XPNPEP1: variants seen among roughly 807,000 people sequenced by gnomAD.
XPNPEP1 encodes the protein X-prolyl aminopeptidase 1, also known as xaa-Pro aminopeptidase 1.
Under a neutral mutation model 92.4 loss-of-function variants are expected in XPNPEP1, and 39 were observed. The ratio of observed to expected loss-of-function variants is 0.42; its 90% CI spans 0.33 to 0.55. The LOEUF is 0.55. Among genes scored for constraint, XPNPEP1 ranks in the 20% least tolerant of loss-of-function variants. The pLI is 0.08. For missense variants in XPNPEP1, 654 were observed against 856.1 expected (o/e 0.76, Z 2.95); for synonymous variants, 307 against 299.4 (o/e 1.03, Z -0.26).
intron 9 of XPNPEP1, 105 bp downstream of exon 9, chr10:109,883,962 A>G: frequency 1.1e-6 from 1 of 952,198 alleles, no homozygotes; most frequent in Non-Finnish European, 1.6e-6. Flanking sequence ...AAAGAAGCAC[A>G]TCAGTGAAAT....
rs548634163 is a variant in XPNPEP1, at chr10:109,901,266, G to T, written c.246+6425C>A. On this transcript the variant is annotated intron_variant, in intron 3 of 20. Transcript: ENST00000502935. The stretch of plus-strand genomic sequence containing the variant: ...CACACACTGGGGCCTGTCATGGGGT[G>T]GGGGGAGGGGGGAGGGATAGCATTA... Among the ~76,000 whole-genome samples, 702 of 113,214 alleles carry T rather than the reference G, an allele frequency of 6.2e-3. 5 individuals are homozygous for T. The highest frequency in any genetic ancestry group is 0.023 in the African/African-American group (668 of 29,672). The allele number at this position is 113,214 out of a possible 152,430, so 74.3% of individuals were successfully genotyped here. A position where few individuals can be genotyped will look rare whatever the true frequency, so the allele number is the denominator to read the frequency against.
At chr10:109,884,199 G>A in intron 8 of XPNPEP1, 51 bp from the exon 9 acceptor site, 1 of 1,582,768 alleles carries the variant, frequency 6.3e-7, no homozygotes, top group Non-Finnish European at 8.7e-7. Flanking sequence ...AGATGTTAAG[G>A]GGTCGCTTGT....
rs1564798998 is a variant in XPNPEP1, at chr10:109,918,855, GGAGGGAAGGAAGGAAGGAAGGAA to G, written c.33-3779_33-3757del. Among the ~76,000 whole-genome samples, 119 of 29,640 alleles carry G rather than the reference GGAGGGAAGGAAGGAAGGAAGGAA, an allele frequency of 4.0e-3. 1 individual carries two copies. Among genetic ancestry groups the G allele is most frequent in the South Asian group, 8.9e-3 (7 of 788 alleles). 19.4% of individuals were successfully genotyped at this position (29,640 alleles called of 152,430 possible). ...AAGGAGGAAGGAAGGAAGGAAGGAA[GGAGGGAAGGAAGGAAGGAAGGAA>G]GGAAGGAAGGAAGGAAGGAAGGAAG... On this transcript the variant is annotated intron_variant, in intron 1 of 20. Transcript: ENST00000502935.
intron 14 of XPNPEP1, chr10:109,877,452 C>T: frequency 4.0e-6 from 1 of 253,004 alleles, no homozygotes; most frequent in Non-Finnish European, 7.6e-6. Flanking sequence ...GGCAGCAGAG[C>T]AAGACCTTGT....
intron 7 of XPNPEP1, among the ~76,000 whole-genome samples, chr10:109,887,239 A>G (rs1320030016): frequency 6.6e-6 from 1 of 152,176 alleles, no homozygotes; most frequent in East Asian, 1.9e-4. Context: ...GATGGAAAAT[A>G]TTTAGCTGAC....
intron 20 of XPNPEP1, among the ~76,000 whole-genome samples, chr10:109,868,222 G>A (rs1438324709): frequency 3.3e-5 from 5 of 152,064 alleles, no homozygotes; most frequent in African/African-American, 1.2e-4. Context: ...AAACAATCTG[G>A]TATGTACAGT....
In XPNPEP1 at chr10:109,877,774, C is replaced by T. The variant is rs1325950840; in HGVS notation, c.1319+16G>A. 2.5e-6 allele frequency: 4 copies of T among 1,614,114 alleles called. No individual in the cohort carries two copies. The highest frequency in any genetic ancestry group is 3.4e-6 in the Non-Finnish European group (4 of 1,179,976). Reference sequence around the variant, plus strand: ...AAGCAGCAAGGCCAGGCAGCATGCTCCTCCGCATGCCTTACGCGTAGTGAA... The same window carrying T: ...AAGCAGCAAGGCCAGGCAGCATGCTTCTCCGCATGCCTTACGCGTAGTGAA... On this transcript the variant is annotated intron_variant, in intron 14 of 20. Coordinates refer to ENST00000502935, the MANE Select transcript of XPNPEP1 (RefSeq NM_020383.4).
At chr10:109,875,686 T>C (rs1027131681) in intron 14 of XPNPEP1, 87 bp from the exon 15 acceptor site, 7 of 1,124,022 alleles carry the variant, frequency 6.2e-6, no homozygotes. Flanking sequence ...CTCTTTGTAC[T>C]ATTCTTGCAA....
At chr10:109,870,663 C>T (rs1022307195) in intron 18 of XPNPEP1, 68 bp downstream of exon 18, 1 of 1,511,990 alleles carries the variant, frequency 6.6e-7, no homozygotes, top group South Asian at 1.3e-5. Context: ...TTAAAAAATA[C>T]AAAACAACGA....
rs1045100478 is a variant in XPNPEP1 at position 109,923,300 on chromosome 10, C to T, written c.32+102G>A. The T allele has an allele frequency of 3.2e-5, 40 of 1,253,278 alleles. 1 individual carries two copies. The East Asian group carries it at 1.4e-3, about 43-fold the overall frequency. The allele number at this position is 1,253,278 out of a possible 1,614,324, so 77.6% of individuals were successfully genotyped here. A position where few individuals can be genotyped will look rare whatever the true frequency, so the allele number is the denominator to read the frequency against. ...CCTCGCCAGACTGCGGCGGGCCGGGCTCCTCACCCGCGCGTCCCTGCCCGC... is the reference window on the plus strand; with the variant it reads ...CCTCGCCAGACTGCGGCGGGCCGGGTTCCTCACCCGCGCGTCCCTGCCCGC... On this transcript the variant is annotated intron_variant, in intron 1 of 20. Transcript: ENST00000502935.
At chr10:109,896,193 C>T (rs187063775) in intron 3 of XPNPEP1, among the ~76,000 whole-genome samples, 69 of 152,236 alleles carry the variant, frequency 4.5e-4, no homozygotes, top group Middle Eastern at 3.4e-3. Context: ...ACAGAGAGGC[C>T]TACCTGTACT....
In XPNPEP1 at chr10:109,884,318, G is replaced by A. The variant is rs1848271650; in HGVS notation, c.749-170C>T. ...TCCCGTCTGGTTCCACCTCTGAGCT[G>A]CAATTGCTCATGTCCACCACGTGAT... On this transcript the variant is annotated intron_variant, in intron 8 of 20. Coordinates refer to ENST00000502935, the MANE Select transcript of XPNPEP1 (RefSeq NM_020383.4). 1.5e-5 allele frequency: 9 copies of A among 611,630 alleles called. 1 individual carries two copies. In the South Asian group the frequency reaches 1.8e-4, roughly 12 times the overall value. The allele number at this position is 611,630 out of a possible 1,614,324, so 37.9% of individuals were successfully genotyped here. A position where few individuals can be genotyped will look rare whatever the true frequency, so the allele number is the denominator to read the frequency against.
Position 109,923,457 on chromosome 10 carries a change from A to T in XPNPEP1, c.-24T>A. The T allele has an allele frequency of 2.8e-6, 4 of 1,415,688 alleles. No individual in the cohort carries two copies. The highest frequency in any genetic ancestry group is 3.7e-6 in the Non-Finnish European group (4 of 1,081,006). The allele number at this position is 1,415,688 out of a possible 1,614,324, so 87.7% of individuals were successfully genotyped here. A position where few individuals can be genotyped will look rare whatever the true frequency, so the allele number is the denominator to read the frequency against. On this transcript the variant is annotated 5_prime_UTR_variant, in exon 1 of 21. Transcript: ENST00000502935. ...ATTCGGCGGTGACGTGCCCCAGCCC[A>T]CGTCAGGGGAGCGCAGACCAGCTGA...
intron 3 of XPNPEP1, among the ~76,000 whole-genome samples, chr10:109,899,234 C>G (rs1849148290): frequency 6.6e-6 from 1 of 152,220 alleles, no homozygotes; most frequent in African/African-American, 2.4e-5. Context: ...CCAGCCAGGC[C>G]TTCATTCCCA....
At chr10:109,922,423 T>A (rs1289513862) in intron 1 of XPNPEP1, among the ~76,000 whole-genome samples, 2 of 152,218 alleles carry the variant, frequency 1.3e-5, no homozygotes, top group African/African-American at 2.4e-5. Flanking sequence ...TCCTTCCAGA[T>A]GGAAGTTCTC....
At position 109,882,648 on chromosome 10, in the gene XPNPEP1, G is replaced by C; in HGVS notation, c.831-6C>G. 2 of 1,614,032 alleles carry C rather than the reference G, an allele frequency of 1.2e-6. No individual in the cohort carries two copies. The highest frequency in any genetic ancestry group is 2.7e-5 in the African/African-American group (2 of 75,052). ...GGTCACCATCAATGAAGAGCCTGCA[G>C]ATGGAGGAGAGGTGGGTGGCAGAAA... is the stretch of plus-strand genomic sequence containing the variant. On this transcript the variant is annotated splice_polypyrimidine_tract_variant and splice_region_variant and intron_variant, in intron 9 of 20. Transcript: ENST00000502935.
rs944906505 is a variant in XPNPEP1, at chr10:109,884,314, A to C, written c.749-166T>G. 2.7e-5 allele frequency: 17 copies of C among 625,306 alleles called. No individual in the cohort carries two copies. In the Admixed American group the frequency reaches 5.2e-4, roughly 19 times the overall value. The allele number at this position is 625,306 out of a possible 1,614,324, so 38.7% of individuals were successfully genotyped here. A position where few individuals can be genotyped will look rare whatever the true frequency, so the allele number is the denominator to read the frequency against. On this transcript the variant is annotated intron_variant, in intron 8 of 20. Transcript: ENST00000502935. ...TGACTCCCGTCTGGTTCCACCTCTG[A>C]GCTGCAATTGCTCATGTCCACCACG...
At position 109,884,316 on chromosome 10, in the gene XPNPEP1, CT is replaced by C. The variant is rs776079815; in HGVS notation, c.749-169del. On this transcript the variant is annotated intron_variant, in intron 8 of 20. Transcript: ENST00000502935. ...ACTCCCGTCTGGTTCCACCTCTGAGCTGCAATTGCTCATGTCCACCACGTGA... is the reference window on the plus strand; with the variant it reads ...ACTCCCGTCTGGTTCCACCTCTGAGCGCAATTGCTCATGTCCACCACGTGA... 379 of 617,622 alleles carry C rather than the reference CT, an allele frequency of 6.1e-4. 1 individual carries two copies. The highest frequency in any genetic ancestry group is 8.8e-4 in the Non-Finnish European group (313 of 353,868). 38.3% of individuals were successfully genotyped at this position (617,622 alleles called of 1,614,324 possible). A position where few individuals can be genotyped will look rare whatever the true frequency, so the allele number is the denominator to read the frequency against.
chr10:109,895,232 G>A lies in XPNPEP1; in HGVS notation c.247-2157C>T, dbSNP rs79287875. Among the ~76,000 whole-genome samples, 32 of 152,286 alleles carry A rather than the reference G, an allele frequency of 2.1e-4. No homozygotes were observed. In the East Asian group the frequency reaches 5.8e-3, roughly 28 times the overall value. ...CCACAGGCTTGGGGCTCTTCCACCC[G>A]TGACACAGGGTGAAGATACTGGCAA... On this transcript the variant is annotated intron_variant, in intron 3 of 20. Transcript: ENST00000502935.
Sources: allele counts gnomAD v4.1 joint callset (sites outside exome capture counted in the v4.1 genomes callset), GRCh38; gene constraint gnomAD v4.1.1; transcripts MANE v1.5; gene names NCBI Gene and HGNC (gene_info 2026-07-23, HGNC 2026-07-21).